Variants in NEK11 observed in about 807,000 individuals in gnomAD.
NEK11 encodes the protein serine/threonine-protein kinase Nek11.
A neutral mutation model predicts 80.7 loss-of-function variants in NEK11; 72 were observed. The observed-to-expected ratio is 0.89, with a 90% CI of 0.74 to 1.08. The LOEUF is 1.08. Ranked by LOEUF, NEK11 falls within the 50% of genes least tolerant of loss-of-function variation. NEK11 has a pLI of 0.00. For missense variants in NEK11, 764 were observed against 763.6 expected, an observed-to-expected ratio of 1.00 and a Z score of -0.01; for synonymous variants, 251 against 260.7, an observed-to-expected ratio of 0.96 and a Z score of 0.36.
At chr3:131,324,768 C>T (rs1228324752) in intron 17 of NEK11, among the ~76,000 whole-genome samples, 1 of 152,128 alleles carries the variant, frequency 6.6e-6, no homozygotes, top group Non-Finnish European at 1.5e-5. Context: ...GTATCTGCTT[C>T]CCCCGATAGC....
At chr3:131,333,922 C>T (rs1348366397) in intron 17 of NEK11, among the ~76,000 whole-genome samples, 3 of 152,198 alleles carry the variant, frequency 2.0e-5, no homozygotes, top group African/African-American at 7.2e-5. Flanking sequence ...AGCTAACTAT[C>T]CTAAATGTAT....
chr3:131,264,488 G>C (rs942674073), intron 16 of NEK11, among the ~76,000 whole-genome samples: 7 of 152,080 alleles, frequency 4.6e-5, no homozygotes, highest in African/African-American at 7.2e-5. Context: ...CCCATTTCTT[G>C]TTTTTGTCAG....
intron 17 of NEK11, among the ~76,000 whole-genome samples, chr3:131,284,203 A>G (rs993239740): frequency 6.6e-6 from 1 of 152,192 alleles, no homozygotes; most frequent in Non-Finnish European, 1.5e-5. Context: ...GACCTGTTGT[A>G]TTTGTTTCCC....
chr3:131,275,161 T>C (rs985231306), intron 17 of NEK11, among the ~76,000 whole-genome samples: 1 of 151,694 alleles, frequency 6.6e-6, no homozygotes, highest in African/African-American at 2.4e-5. Context: ...AGTGAGGGAG[T>C]ATGGATTAAT....
chr3:131,191,356 C>T (rs760794307), intron 14 of NEK11, among the ~76,000 whole-genome samples: 3 of 152,116 alleles, frequency 2.0e-5, no homozygotes, highest in African/African-American at 7.2e-5. Flanking sequence ...CTGTTTCCAG[C>T]TCATAGAGCT....
chr3:131,289,052 A>G (rs2096514039), intron 17 of NEK11, among the ~76,000 whole-genome samples: 1 of 152,228 alleles, frequency 6.6e-6, no homozygotes. Flanking sequence ...AAGTACCATA[A>G]CCAAGTTGCT....
intron 17 of NEK11, among the ~76,000 whole-genome samples, chr3:131,287,355 C>A (rs2096485831): frequency 6.6e-6 from 1 of 152,152 alleles, no homozygotes; most frequent in African/African-American, 2.4e-5. Flanking sequence ...CTCACTGCAA[C>A]CTCCGCCTCC....
rs60609787 is a variant in NEK11, at chr3:131,118,274, G to A, written c.455+8353G>A. Among the ~76,000 whole-genome samples the A allele has an allele frequency of 4.6e-3, 697 of 152,160 alleles. 4 individuals are homozygous for A. Among genetic ancestry groups the A allele is most frequent in the African/African-American group, 0.016 (657 of 41,510 alleles). On this transcript the variant is annotated intron_variant, in intron 5 of 17. Coordinates refer to ENST00000383366, the MANE Select transcript of NEK11 (RefSeq NM_024800.5). ...TGGTTCTGTTTATATGATGGATTACGTTTATTGATTTGCATATGTTGAACC... is the reference window on the plus strand; with the variant it reads ...TGGTTCTGTTTATATGATGGATTACATTTATTGATTTGCATATGTTGAACC...
intron 16 of NEK11, among the ~76,000 whole-genome samples, chr3:131,246,035 T>C (rs1370457160): frequency 6.6e-6 from 1 of 152,172 alleles, no homozygotes; most frequent in African/African-American, 2.4e-5. Context: ...GCTCTTGTAG[T>C]CTTAGTCATG....
chr3:131,175,380 T>C lies in NEK11; in HGVS notation c.1399+4493T>C, dbSNP rs1377460882. Among the ~76,000 whole-genome samples, 3 of 152,078 alleles carry C rather than the reference T, an allele frequency of 2.0e-5. No individual in the cohort carries two copies. The East Asian group carries it at 5.8e-4, about 29-fold the overall frequency. On this transcript the variant is annotated intron_variant, in intron 14 of 17. Coordinates refer to ENST00000383366, the MANE Select transcript of NEK11 (RefSeq NM_024800.5). Reference sequence around the variant, plus strand: ...TCAATAGGTGAAAGGATAAGCAAATTTGTAGTTTGTTGATGGAATATATAC... The same window carrying C: ...TCAATAGGTGAAAGGATAAGCAAATCTGTAGTTTGTTGATGGAATATATAC...
chr3:131,062,702 C>T (rs1177925443), intron 3 of NEK11, among the ~76,000 whole-genome samples: 1 of 152,204 alleles, frequency 6.6e-6, no homozygotes, highest in Non-Finnish European at 1.5e-5. Flanking sequence ...GCTTCCTTCA[C>T]TCAGCATTGT....
chr3:131,310,278 C>T (rs1048447705), intron 17 of NEK11, among the ~76,000 whole-genome samples: 3 of 152,068 alleles, frequency 2.0e-5, no homozygotes, highest in African/African-American at 7.2e-5. Flanking sequence ...ATTTGATTAT[C>T]CTAAATGGAT....
chr3:131,091,058 C>G (rs1288731287), intron 4 of NEK11, among the ~76,000 whole-genome samples: 1 of 152,292 alleles, frequency 6.6e-6, no homozygotes, highest in South Asian at 2.1e-4. Flanking sequence ...GTGATTGCAT[C>G]TGGCTGTGTT....
intron 14 of NEK11, among the ~76,000 whole-genome samples, chr3:131,171,520 G>A (rs1402130889): frequency 6.6e-6 from 1 of 152,182 alleles, no homozygotes; most frequent in Non-Finnish European, 1.5e-5. Flanking sequence ...TAAGCTAATG[G>A]TTAAATGCAT....
chr3:131,107,672 C>A (rs1245521883), intron 4 of NEK11, among the ~76,000 whole-genome samples: 1 of 143,266 alleles, frequency 7.0e-6, no homozygotes, highest in Non-Finnish European at 1.5e-5. Context: ...TCCATTCCTG[C>A]AAATATTGTA....
intron 10 of NEK11, among the ~76,000 whole-genome samples, chr3:131,159,662 G>A (rs922944727): frequency 6.6e-6 from 1 of 152,164 alleles, no homozygotes; most frequent in Non-Finnish European, 1.5e-5. Context: ...TTACCAAGGA[G>A]GCTGCGGCAG....
At position 131,239,876 on chromosome 3, in the gene NEK11, A is replaced by G. The variant is rs2095494707; in HGVS notation, c.1561-3560A>G. On this transcript the variant is annotated intron_variant, in intron 15 of 17. Transcript: ENST00000383366. ...GTCACAATTCATTTGTTACCAAACA[A>G]TATACATAATATTATATATAGTTAT... 2.0e-5 allele frequency among the ~76,000 whole-genome samples: 3 copies of G among 152,254 alleles called. No individual in the cohort carries two copies. In the South Asian group the frequency reaches 6.2e-4, roughly 32 times the overall value.
chr3:131,257,395 A>G (rs1182509814), intron 16 of NEK11, among the ~76,000 whole-genome samples: 1 of 152,160 alleles, frequency 6.6e-6, no homozygotes, highest in Admixed American at 6.6e-5. Context: ...AATGGGAGCC[A>G]GGCTCTGTCT....
At chr3:131,078,211 A>G (rs1460455562) in intron 3 of NEK11, among the ~76,000 whole-genome samples, 1 of 152,186 alleles carries the variant, frequency 6.6e-6, no homozygotes, top group Non-Finnish European at 1.5e-5. Context: ...AAGTGAATAA[A>G]ATATTAAAGG....
Sources: allele counts gnomAD v4.1 joint callset (sites outside exome capture counted in the v4.1 genomes callset), GRCh38; gene constraint gnomAD v4.1.1; transcripts MANE v1.5; gene names NCBI Gene and HGNC (gene_info 2026-07-23, HGNC 2026-07-21).